SDCCAG8: variants seen among roughly 807,000 people sequenced by gnomAD.
SDCCAG8 encodes the protein serologically defined colon cancer antigen 8.
SDCCAG8 carries 74 observed loss-of-function variants against 101.8 expected under a neutral mutation model. That is an observed-to-expected ratio of 0.73 (90% CI 0.60 to 0.88). SDCCAG8 has a LOEUF of 0.88. Ranked by LOEUF, SDCCAG8 falls within the 40% of genes least tolerant of loss-of-function variation. The pLI is 0.00. For synonymous variants in SDCCAG8, 281 were observed against 292.9 expected, an observed-to-expected ratio of 0.96 and a Z score of 0.41; for missense variants, 787 against 822.6, an observed-to-expected ratio of 0.96 and a Z score of 0.53.
intron 10 of SDCCAG8, among the ~76,000 whole-genome samples, chr1:243,331,989 CT>C (rs2074635580): frequency 6.6e-6 from 1 of 152,182 alleles, no homozygotes; most frequent in Non-Finnish European, 1.5e-5. Context: ...GGAATCTGAC[CT>C]TGTCTAGGCA....
chr1:243,428,272 A>G (rs1017211446), intron 16 of SDCCAG8, among the ~76,000 whole-genome samples: 2 of 152,218 alleles, frequency 1.3e-5, no homozygotes, highest in Non-Finnish European at 2.9e-5. Context: ...CGTTCATTCA[A>G]CATTGATTGA....
chr1:243,308,521 C>G (rs1471424187), intron 8 of SDCCAG8, among the ~76,000 whole-genome samples: 1 of 152,174 alleles, frequency 6.6e-6, no homozygotes, highest in Non-Finnish European at 1.5e-5. Context: ...CTATTCTTAG[C>G]AAAACTGAGT....
intron 13 of SDCCAG8, among the ~76,000 whole-genome samples, chr1:243,385,434 C>T (rs911587239): frequency 6.6e-6 from 1 of 151,874 alleles, no homozygotes; most frequent in African/African-American, 2.4e-5. Flanking sequence ...CACATGTAGT[C>T]GGTAAGATAA....
At chr1:243,427,331 G>A (rs2081403998) in intron 16 of SDCCAG8, among the ~76,000 whole-genome samples, 1 of 152,070 alleles carries the variant, frequency 6.6e-6, no homozygotes, top group African/African-American at 2.4e-5. Flanking sequence ...CAGTAATGGG[G>A]ATTTTTTTTT....
intron 12 of SDCCAG8, among the ~76,000 whole-genome samples, chr1:243,374,103 T>C (rs191950085): frequency 2.6e-5 from 4 of 151,974 alleles, no homozygotes; most frequent in African/African-American, 7.2e-5. Context: ...AAGAAATAGC[T>C]CATAGAAATA....
At chr1:243,292,980 A>C (rs1195777249) in intron 5 of SDCCAG8, 111 bp from the exon 6 acceptor site, 14 of 1,226,886 alleles carry the variant, frequency 1.1e-5, no homozygotes, top group Admixed American at 7.1e-5. Flanking sequence ...GTAGTGTAGA[A>C]GCATATGCTT....
intron 17 of SDCCAG8, 108 bp downstream of exon 17, chr1:243,489,248 A>G: frequency 2.1e-6 from 3 of 1,436,778 alleles, no homozygotes; most frequent in Non-Finnish European, 2.8e-6. Context: ...ATCGGTTAGC[A>G]GTAAGCTGGG....
intron 12 of SDCCAG8, among the ~76,000 whole-genome samples, chr1:243,345,310 A>G (rs1402062820): frequency 6.6e-6 from 1 of 152,240 alleles, no homozygotes; most frequent in South Asian, 2.1e-4. Flanking sequence ...TTTTCAAGTC[A>G]TAACTGAAAT....
At chr1:243,373,432 A>G (rs1028121406) in intron 12 of SDCCAG8, among the ~76,000 whole-genome samples, 3 of 152,048 alleles carry the variant, frequency 2.0e-5, no homozygotes, top group Non-Finnish European at 4.4e-5. Flanking sequence ...ACCAACAATC[A>G]TGTATATTTA....
At chr1:243,469,292 G>T (rs920823434) in intron 16 of SDCCAG8, among the ~76,000 whole-genome samples, 1 of 152,190 alleles carries the variant, frequency 6.6e-6, no homozygotes, top group East Asian at 1.9e-4. Flanking sequence ...TGATTTTGAT[G>T]AAATGCACTT....
intron 12 of SDCCAG8, among the ~76,000 whole-genome samples, chr1:243,349,612 TA>T (rs141004119): frequency 0.012 from 1,793 of 152,334 alleles, 30 homozygotes; most frequent in African/African-American, 0.04. Flanking sequence ...TTTTGCAGTA[TA>T]ACAAATGTGC....
chr1:243,380,874 A>G (rs2077902320), intron 13 of SDCCAG8, among the ~76,000 whole-genome samples: 1 of 152,166 alleles, frequency 6.6e-6, no homozygotes, highest in African/African-American at 2.4e-5. Context: ...AACTGTGTAT[A>G]TCTCCCCTTT....
chr1:243,296,278 G>A (rs2070866347), intron 6 of SDCCAG8, among the ~76,000 whole-genome samples: 1 of 152,122 alleles, frequency 6.6e-6, no homozygotes, highest in African/African-American at 2.4e-5. Context: ...TTACATGTGT[G>A]AACCACTGCA....
At chr1:243,441,662 G>A (rs12144227) in intron 16 of SDCCAG8, among the ~76,000 whole-genome samples, 1 of 152,074 alleles carries the variant, frequency 6.6e-6, no homozygotes, top group East Asian at 1.9e-4. Context: ...GAAAACTCTA[G>A]GTTTGTTAAA....
At chr1:243,486,448 T>G (rs542391680) in intron 16 of SDCCAG8, among the ~76,000 whole-genome samples, 1 of 152,074 alleles carries the variant, frequency 6.6e-6, no homozygotes, top group African/African-American at 2.4e-5. Flanking sequence ...TTCAGCGGGG[T>G]CTGGGTGGTG....
At chr1:243,387,720 GTTTC>G (rs776569784) in intron 13 of SDCCAG8, among the ~76,000 whole-genome samples, 30 of 152,054 alleles carry the variant, frequency 2.0e-4, no homozygotes, top group Non-Finnish European at 8.8e-5. Flanking sequence ...TTACTTATTT[GTTTC>G]TTTAATTTGA....
At chr1:243,433,811 C>T (rs1352406617) in intron 16 of SDCCAG8, among the ~76,000 whole-genome samples, 1 of 152,102 alleles carries the variant, frequency 6.6e-6, no homozygotes, top group South Asian at 2.1e-4. Flanking sequence ...GTGTTTTTGT[C>T]AATTCTTATG....
chr1:243,269,326 A>G, intron 1 of SDCCAG8: 1 of 147,414 alleles, frequency 6.8e-6, no homozygotes, highest in Non-Finnish European at 1.5e-5. Context: ...TTTTTTCTGA[A>G]ACAGTCTCGC....
intron 16 of SDCCAG8, among the ~76,000 whole-genome samples, chr1:243,475,249 ATAGCAGTGAATACTGTCTGGATGGTTTAG>A (rs1662172189): frequency 6.6e-6 from 1 of 152,180 alleles, no homozygotes; most frequent in South Asian, 2.1e-4. Flanking sequence ...AGACGGACAT[ATAGCAGTGAATACTGTCTGGATGGTTTAG>A]CATGTCTGGG....
Sources: allele counts gnomAD v4.1 joint callset (sites outside exome capture counted in the v4.1 genomes callset), GRCh38; gene constraint gnomAD v4.1.1; transcripts MANE v1.5; gene names NCBI Gene and HGNC (gene_info 2026-07-23, HGNC 2026-07-21).